The following FRY variants were observed in gnomAD, a reference collection of about 807,000 sequenced individuals.
FRY encodes the protein FRY microtubule binding protein.
In FRY, 128 loss-of-function variants were observed where a neutral mutation model predicts 348.4. That is an observed-to-expected ratio of 0.37 (90% CI 0.32 to 0.43). FRY has a LOEUF of 0.43. FRY is among the 20% of genes least tolerant of loss of function. FRY has a pLI of 1.00. For missense variants in FRY, 2,736 were observed against 3,695.2 expected, an observed-to-expected ratio of 0.74 and a Z score of 6.73; for synonymous variants, 1,370 against 1,374.7, an observed-to-expected ratio of 1.00 and a Z score of 0.08.
chr13:32,090,945 A>G (rs1307143829), intron 2 of FRY, among the ~76,000 whole-genome samples: 2 of 152,180 alleles, frequency 1.3e-5, no homozygotes, highest in Non-Finnish European at 2.9e-5. Context: ...AAGTGCCAAC[A>G]TATTCTTCCA....
intron 58 of FRY, among the ~76,000 whole-genome samples, chr13:32,279,545 A>T (rs1388272277): frequency 6.6e-6 from 1 of 152,158 alleles, no homozygotes; most frequent in African/African-American, 2.4e-5. Context: ...AGGCTCTCCC[A>T]CTCTGTCTAC....
At chr13:32,222,671 T>C (rs919870957) in intron 36 of FRY, among the ~76,000 whole-genome samples, 131 of 152,214 alleles carry the variant, frequency 8.6e-4, no homozygotes, top group African/African-American at 3.0e-3. Context: ...TGGAGATGTT[T>C]TGAGGGCAGA....
chr13:32,230,364 C>T (rs1290085279), intron 40 of FRY, among the ~76,000 whole-genome samples: 1 of 152,190 alleles, frequency 6.6e-6, no homozygotes, highest in African/African-American at 2.4e-5. Context: ...GTGATAGCCT[C>T]CAGCTCCATC....
chr13:32,221,877 C>A (rs1885333667), intron 36 of FRY, among the ~76,000 whole-genome samples: 1 of 152,106 alleles, frequency 6.6e-6, no homozygotes, highest in Admixed American at 6.6e-5. Context: ...TGATGCTTTA[C>A]CATGTGCCAG....
intron 28 of FRY, among the ~76,000 whole-genome samples, chr13:32,192,692 A>T (rs189194929): frequency 2.0e-4 from 31 of 151,756 alleles, no homozygotes; most frequent in Non-Finnish European, 4.0e-4. Flanking sequence ...CCTGGTTTCA[A>T]CTGACAAGAA....
At chr13:32,230,726 A>G (rs1201226283) in intron 40 of FRY, among the ~76,000 whole-genome samples, 1 of 152,182 alleles carries the variant, frequency 6.6e-6, no homozygotes, top group East Asian at 1.9e-4. Flanking sequence ...TCTTTGAGGA[A>G]TCGCCACACT....
intron 47 of FRY, among the ~76,000 whole-genome samples, chr13:32,244,415 C>T (rs1470106152): frequency 2.6e-5 from 4 of 152,180 alleles, no homozygotes; most frequent in Admixed American, 6.5e-5. Context: ...GGCACATTTC[C>T]GCCTCTTGGG....
chr13:32,086,442 C>T (rs1387619066), intron 2 of FRY, among the ~76,000 whole-genome samples: 1 of 152,198 alleles, frequency 6.6e-6, no homozygotes, highest in African/African-American at 2.4e-5. Flanking sequence ...CATTCACTCT[C>T]AAACCCCTGG....
chr13:32,212,974 G>C (rs1884770296), intron 35 of FRY, among the ~76,000 whole-genome samples: 2 of 152,002 alleles, frequency 1.3e-5, no homozygotes, highest in Admixed American at 6.6e-5. Flanking sequence ...TCCTGCAGTT[G>C]ATTGTGAAGA....
chr13:32,291,980 GTTGT>G lies in FRY; in HGVS notation c.8580+2244_8580+2247del, dbSNP rs1312455785. 3.5e-5 allele frequency: 16 copies of G among 451,450 alleles called. 1 individual carries two copies. Among genetic ancestry groups the G allele is most frequent in the Admixed American group, 1.9e-4 (8 of 42,262 alleles). 28.0% of individuals were successfully genotyped at this position (451,450 alleles called of 1,614,324 possible). A position where few individuals can be genotyped will look rare whatever the true frequency, so the allele number is the denominator to read the frequency against. On this transcript the variant is annotated intron_variant, in intron 59 of 60. Coordinates refer to ENST00000542859, the MANE Select transcript of FRY (RefSeq NM_023037.3). ...GAACAAATAAAGTTTTTTTGTTGTT[GTTGT>G]TTGTTTATTTGTTTTTGAGATGTAG...
chr13:32,186,954 G>A (rs1020623870), intron 27 of FRY, among the ~76,000 whole-genome samples: 7 of 152,060 alleles, frequency 4.6e-5, no homozygotes, highest in African/African-American at 1.7e-4. Context: ...GGCCCTGATA[G>A]TCAGTTGGAC....
chr13:32,132,437 G>A (rs1392335031), intron 8 of FRY, among the ~76,000 whole-genome samples: 2 of 152,036 alleles, frequency 1.3e-5, no homozygotes, highest in Non-Finnish European at 2.9e-5. Flanking sequence ...CCTTACTAGA[G>A]GGTTTAGATG....
chr13:32,234,074 C>T (rs1357528617), intron 41 of FRY, among the ~76,000 whole-genome samples: 1 of 140,064 alleles, frequency 7.1e-6, no homozygotes, highest in African/African-American at 2.7e-5. Flanking sequence ...TTCTTGGGCC[C>T]AGGAGTTCAT....
Position 32,295,492 on chromosome 13 carries a change from C to A in FRY, c.*32C>A. ...CCTCCTGTCCCCACTGGGTTCCAAA[C>A]TGGCAGTGCTGCCATGCTGGGGCAA... On this transcript the variant is annotated 3_prime_UTR_variant, in exon 61 of 61. Transcript: ENST00000542859. 2 of 1,603,190 alleles carry A rather than the reference C, an allele frequency of 1.2e-6. No homozygotes were observed. The highest frequency in any genetic ancestry group is 1.3e-5 in the African/African-American group (1 of 75,008).
intron 17 of FRY, among the ~76,000 whole-genome samples, chr13:32,168,577 G>T (rs1254663246): frequency 1.3e-5 from 2 of 152,212 alleles, no homozygotes; most frequent in East Asian, 3.9e-4. Context: ...TTCTGTTTTA[G>T]ACAATTCTAG....
intron 1 of FRY, among the ~76,000 whole-genome samples, chr13:32,035,015 C>T (rs1241630291): frequency 6.6e-6 from 1 of 152,132 alleles, no homozygotes; most frequent in Non-Finnish European, 1.5e-5. Context: ...AAAATGTACG[C>T]AAAAATAATG....
At chr13:32,123,004 A>C (rs1341144915) in intron 4 of FRY, among the ~76,000 whole-genome samples, 1 of 152,228 alleles carries the variant, frequency 6.6e-6, no homozygotes, top group South Asian at 2.1e-4. Context: ...GACCTCTACA[A>C]GGAAAACTAC....
At chr13:32,072,357 A>G (rs1389353576) in intron 1 of FRY, among the ~76,000 whole-genome samples, 1 of 152,150 alleles carries the variant, frequency 6.6e-6, no homozygotes, top group East Asian at 1.9e-4. Context: ...TTCTTGGCCC[A>G]CTTTAAAATA....
At chr13:32,254,130 GAA>G in intron 50 of FRY, 92 bp from the exon 51 acceptor site, 2 of 1,119,620 alleles carry the variant, frequency 1.8e-6, no homozygotes, top group Non-Finnish European at 2.7e-6. Flanking sequence ...GTGTGTACTG[GAA>G]ATACGGTGCT....
Sources: gnomAD v4.1 joint callset for allele counts (sites outside exome capture counted in the v4.1 genomes callset) on GRCh38, gnomAD v4.1.1 for gene constraint, MANE v1.5 for transcripts, NCBI Gene and HGNC (gene_info 2026-07-23, HGNC 2026-07-21) for gene names.